Variants in FRMPD3 observed in about 807,000 individuals in gnomAD.
FRMPD3 encodes the protein FERM and PDZ domain-containing protein 3.
Under a neutral mutation model 97.9 loss-of-function variants are expected in FRMPD3, and 42 were observed. That is an observed-to-expected ratio of 0.43 (90% CI 0.34 to 0.55). The LOEUF is 0.55. Among genes scored for constraint, FRMPD3 ranks in the 20% least tolerant of loss-of-function variants. The pLI is 0.03. For missense variants in FRMPD3, 1,303 were observed against 1,457.7 expected, an observed-to-expected ratio of 0.89 and a Z score of 1.73; for synonymous variants, 577 against 581.1, an observed-to-expected ratio of 0.99 and a Z score of 0.10.
At chrX:107,595,316 C>CAA (rs372328331) in intron 13 of FRMPD3, among the ~76,000 whole-genome samples, 16 of 94,550 alleles carry the variant, frequency 1.7e-4, no homozygotes, top group African/African-American at 4.2e-4. Context: ...GACCCTGTAT[C>CAA]AAAAAAAAAA....
At chrX:107,508,958 A>G (rs1922098564) in intron 1 of FRMPD3, among the ~76,000 whole-genome samples, 1 of 112,153 alleles carries the variant, frequency 8.9e-6, no homozygotes, top group African/African-American at 3.2e-5. Context: ...TATTTTCTGA[A>G]AAGTTTTTAG....
intron 1 of FRMPD3, among the ~76,000 whole-genome samples, chrX:107,501,523 C>T (rs1305384806): frequency 8.3e-5 from 6 of 72,683 alleles, no homozygotes; most frequent in African/African-American, 1.9e-4. Flanking sequence ...CGCCCGCCAC[C>T]GCGCCCGGCC....
At chrX:107,541,868 A>G (rs1340447496) in intron 4 of FRMPD3, among the ~76,000 whole-genome samples, 4 of 112,129 alleles carry the variant, frequency 3.6e-5, no homozygotes, top group Non-Finnish European at 7.5e-5. Context: ...CGGCTCTGCT[A>G]CTCAATTATT....
At chrX:107,496,899 C>T (rs759854227) in intron 1 of FRMPD3, among the ~76,000 whole-genome samples, 18 of 112,311 alleles carry the variant, frequency 1.6e-4, no homozygotes, top group Admixed American at 4.7e-4. Context: ...CACTTCATTG[C>T]TGTGCCCTGC....
chrX:107,602,117 C>G lies in FRMPD3; in HGVS notation c.4078C>G (p.Arg1360Gly), dbSNP rs1041332033. ...CATTCGTTCTACCAGCCTGGAGTCCCGAGAGTGCCGATCGGACCCTGAGAG... is the reference window on the plus strand; with the variant it reads ...CATTCGTTCTACCAGCCTGGAGTCCGGAGAGTGCCGATCGGACCCTGAGAG... ...QRIRSTSLES[R>G]ECRSDPESGV... The change falls in exon 15 of 15, where the codon CGA becomes GGA. Residue 1360 changes from arginine to glycine, a missense_variant. By Grantham distance (125) the Arg-to-Gly change is moderately radical (BLOSUM62 -2). Around this residue, in one of 3 missense-constraint regions of FRMPD3, gnomAD observed 764 missense variants for 820.2 expected, o/e 0.93. Transcript: ENST00000683843. 2 of 1,208,609 alleles carry G rather than the reference C, an allele frequency of 1.7e-6. No homozygotes were observed. Among genetic ancestry groups the G allele is most frequent in the Non-Finnish European group, 2.2e-6 (2 of 894,796 alleles).
At position 107,602,851 on chromosome X, in the gene FRMPD3, C is replaced by A. The variant is rs1379962706; in HGVS notation, c.4812C>A (p.Val1604=). Reference sequence around the variant, plus strand: ...TGGACACCAACGAGCTGCTGACAGTCCTGCGGCAGTGTGTGGCCAGCCCCG... The same window carrying A: ...TGGACACCAACGAGCTGCTGACAGTACTGCGGCAGTGTGTGGCCAGCCCCG... ...ARLDTNELLT[V]LRQCVASPEA... is the part of the protein sequence containing the mutation. Residue 1604 remains valine (V), a synonymous_variant, in exon 15 of 15, where the codon GTC becomes GTA. Coordinates refer to ENST00000683843, the MANE Select transcript of FRMPD3 (RefSeq NM_001388459.1). The A allele has an allele frequency of 9.9e-6, 12 of 1,209,177 alleles. No homozygotes were observed. The highest frequency in any genetic ancestry group is 1.3e-5 in the Non-Finnish European group (12 of 894,853).
At chrX:107,480,090 G>C (rs942350756) in intron 1 of FRMPD3, among the ~76,000 whole-genome samples, 4 of 110,065 alleles carry the variant, frequency 3.6e-5, no homozygotes, top group African/African-American at 1.3e-4. Context: ...TACTTTAGCT[G>C]CTGTGTATAT....
At chrX:107,519,887 C>T in intron 1 of FRMPD3, among the ~76,000 whole-genome samples, 1 of 111,580 alleles carries the variant, frequency 9.0e-6, no homozygotes, top group Non-Finnish European at 1.9e-5. Flanking sequence ...GGAAGTGGTG[C>T]CCTCAAGGAA....
At chrX:107,519,422 A>T (rs952327451) in intron 1 of FRMPD3, among the ~76,000 whole-genome samples, 1 of 111,851 alleles carries the variant, frequency 8.9e-6, no homozygotes, top group African/African-American at 3.3e-5. Context: ...TGAGCCTGGG[A>T]GGTCAAGGCT....
chrX:107,599,840 AG>A (rs945830555), intron 14 of FRMPD3, among the ~76,000 whole-genome samples: 3 of 108,042 alleles, frequency 2.8e-5, no homozygotes, highest in African/African-American at 1.0e-4. Flanking sequence ...CATTCTCGCC[AG>A]GCCTGTCTGT....
chrX:107,539,281 A>C (rs1804286601), intron 4 of FRMPD3, among the ~76,000 whole-genome samples: 1 of 111,823 alleles, frequency 8.9e-6, no homozygotes, highest in African/African-American at 3.3e-5. Flanking sequence ...AGGGCCCCTC[A>C]AACCATACTG....
Position 107,601,136 on chromosome X carries a change from A to C in FRMPD3, c.3097A>C (p.Ser1033Arg). 8.3e-7 allele frequency: 1 copy of C among 1,210,769 alleles called. No homozygotes were observed. Among genetic ancestry groups the C allele is most frequent in the Non-Finnish European group, 1.1e-6 (1 of 895,292 alleles). The change falls in exon 15 of 15, where the codon AGC becomes CGC. Residue 1033 changes from serine (S) to arginine (R), a missense_variant. Transcript: ENST00000683843. Reference protein sequence around the residue: ...QHQLGAEVSSSPRAPTGSRAD... With the variant: ...QHQLGAEVSSRPRAPTGSRAD... ...TCAGCTGGGTGCAGAGGTCTCTTCC[A>C]GCCCCAGAGCACCCACAGGCAGCCG... is the stretch of plus-strand genomic sequence containing the variant.
At chrX:107,524,708 C>T (rs1341217761) in intron 1 of FRMPD3, among the ~76,000 whole-genome samples, 1 of 112,478 alleles carries the variant, frequency 8.9e-6, no homozygotes, top group African/African-American at 3.2e-5. Context: ...TTGCATTGCT[C>T]TCGGCTAGGC....
In FRMPD3 at chrX:107,603,573, C is replaced by G; in HGVS notation, c.*200C>G. ...AGGCTTAGCTGCCGCCCTGGGTGTC[C>G]TCACCCCTTCCCTGGCCTCTGGGCC... On this transcript the variant is annotated 3_prime_UTR_variant, in exon 15 of 15. Transcript: ENST00000683843. The G allele has an allele frequency of 5.0e-6, 4 of 797,952 alleles. No individual in the cohort carries two copies. In the East Asian group the frequency reaches 1.4e-4, roughly 29 times the overall value. The allele number at this position is 797,952 out of a possible 1,213,427, so 65.8% of individuals were successfully genotyped here.
rs1569431210 is a variant in FRMPD3 at position 107,600,952 on chromosome X, T to C, written c.2913T>C (p.Thr971=). 1 of 1,209,040 alleles carries C rather than the reference T, an allele frequency of 8.3e-7. No homozygotes were observed. The highest frequency in any genetic ancestry group is 3.0e-5 in the East Asian group (1 of 33,780). ...TGGTTCACAATAAGAGTCTAGTCAC[T>C]GCTGGTGGGGCTTTGGGGAACCCCC... ...QQVVHNKSLV[T]AGGALGNPPS... is the part of the protein sequence containing the mutation. The change falls in exon 15 of 15, where the codon ACT becomes ACC. Residue 971 remains threonine, a synonymous_variant. Coordinates refer to ENST00000683843, the MANE Select transcript of FRMPD3 (RefSeq NM_001388459.1).
chrX:107,603,308 G>C lies in FRMPD3; in HGVS notation c.5269G>C (p.Gly1757Arg). The C allele has an allele frequency of 9.2e-7, 1 of 1,086,452 alleles. No homozygotes were observed. The highest frequency in any genetic ancestry group is 1.2e-6 in the Non-Finnish European group (1 of 834,048). 89.5% of individuals were successfully genotyped at this position (1,086,452 alleles called of 1,213,427 possible). The change falls in exon 15 of 15, where the codon GGC becomes CGC. Residue 1757 changes from glycine (G) to arginine (R), a missense_variant. Around this residue, in one of 3 missense-constraint regions of FRMPD3, gnomAD observed 764 missense variants for 820.2 expected, o/e 0.93. Transcript: ENST00000683843. The stretch of plus-strand genomic sequence containing the variant: ...AGGGGCAGCCACAGAGCATCCACCA[G>C]GCTCCCCAACTTCGGCGACTGTTAT... ...AAGAATEHPP[G>R]SPTSATVMST...
intron 14 of FRMPD3, among the ~76,000 whole-genome samples, chrX:107,598,349 C>T (rs917411635): frequency 6.2e-5 from 7 of 112,285 alleles, no homozygotes; most frequent in Non-Finnish European, 7.5e-5. Context: ...AGTTCTGGCT[C>T]TCGTCATTGC....
At position 107,601,465 on chromosome X, in the gene FRMPD3, C is replaced by G; in HGVS notation, c.3426C>G (p.Ser1142Arg). The G allele has an allele frequency of 1.7e-6, 2 of 1,171,501 alleles. No individual in the cohort carries two copies. Among genetic ancestry groups the G allele is most frequent in the Non-Finnish European group, 2.3e-6 (2 of 875,947 alleles). ...AGAGCCCCAGCTGCCAGTCAAGAAG[C>G]CACAGCCCCAGCTGCCAGCCTCATG... ...ALQSPSCQSR[S>R]HSPSCQPHGH... Residue 1142 changes from serine to arginine, a missense_variant, in exon 15 of 15, where the codon AGC becomes AGG. Ser to Arg is a moderately radical substitution (Grantham distance 110, BLOSUM62 -1). Coordinates refer to ENST00000683843, the MANE Select transcript of FRMPD3 (RefSeq NM_001388459.1).
At chrX:107,581,449 C>T (rs1923385702) in intron 13 of FRMPD3, among the ~76,000 whole-genome samples, 1 of 109,530 alleles carries the variant, frequency 9.1e-6, no homozygotes, top group Non-Finnish European at 1.9e-5. Flanking sequence ...TCATCATGTG[C>T]CCAGAGCTGT....
Sources: gnomAD v4.1 joint callset for allele counts (sites outside exome capture counted in the v4.1 genomes callset) on GRCh38, gnomAD v4.1.1 for gene constraint, gnomAD v4.1.1 regional missense constraint, MANE v1.5 for transcripts, NCBI Gene and HGNC (gene_info 2026-07-23, HGNC 2026-07-21) for gene names.